Variants in LRRC69 observed in about 807,000 individuals in gnomAD.
LRRC69 encodes leucine-rich repeat-containing protein 69.
In LRRC69, 42 loss-of-function variants were observed where a neutral mutation model predicts 37.8. That is an observed-to-expected ratio of 1.11 (90% confidence interval 0.87 to 1.44). The LOEUF (loss-of-function observed/expected upper bound fraction) is 1.44, where lower values mean the gene tolerates loss of function less well. Among genes scored for constraint, LRRC69 ranks in the 40% most tolerant of loss-of-function variants. The pLI is 0.00. For synonymous variants in LRRC69, 141 were observed against 143.1 expected, an observed-to-expected ratio of 0.99 and a Z score of 0.11; for missense variants, 357 against 401.9, an observed-to-expected ratio of 0.89 and a Z score of 0.96.
chr8:91,186,263 T>C (rs1344564469), intron 5 of LRRC69, among the ~76,000 whole-genome samples: 1 of 152,204 alleles, frequency 6.6e-6, no homozygotes, highest in Non-Finnish European at 1.5e-5. Flanking sequence ...CAAAGCCTGA[T>C]AGATGAAGAT....
intron 6 of LRRC69, among the ~76,000 whole-genome samples, chr8:91,197,455 C>G (rs536932592): frequency 2.0e-5 from 3 of 152,000 alleles, no homozygotes; most frequent in Admixed American, 6.5e-5. Context: ...GCTGCCGCCT[C>G]GCAGTTTGAT....
intron 1 of LRRC69, chr8:91,118,697 A>G: frequency 6.2e-6 from 1 of 161,258 alleles, no homozygotes; most frequent in African/African-American, 2.4e-5. Context: ...ACTTCATTCT[A>G]CATTTAATTA....
At chr8:91,162,227 A>G (rs1484094927) in intron 5 of LRRC69, among the ~76,000 whole-genome samples, 1 of 151,506 alleles carries the variant, frequency 6.6e-6, no homozygotes, top group African/African-American at 2.4e-5. Context: ...TGTATTCTGC[A>G]GCTGTTGGAT....
At chr8:91,108,077 C>T (rs1813350984) in intron 1 of LRRC69, among the ~76,000 whole-genome samples, 1 of 152,040 alleles carries the variant, frequency 6.6e-6, no homozygotes, top group African/African-American at 2.4e-5. Flanking sequence ...AGTCCAACGG[C>T]AGTGTGGCAA....
intron 5 of LRRC69, chr8:91,158,515 TG>T: frequency 8.9e-7 from 1 of 1,125,794 alleles, no homozygotes; most frequent in Non-Finnish European, 1.4e-6. Flanking sequence ...ATGAAGCCAA[TG>T]GGCGATGAAA....
chr8:91,158,510 G>A, intron 5 of LRRC69: 1 of 1,115,872 alleles, frequency 9.0e-7, no homozygotes, highest in East Asian at 2.4e-5. Flanking sequence ...GGGAGATGAA[G>A]CCAATGGGCG....
chr8:91,106,951 C>A (rs1813325012), intron 1 of LRRC69, among the ~76,000 whole-genome samples: 1 of 151,162 alleles, frequency 6.6e-6, no homozygotes, highest in Non-Finnish European at 1.5e-5. Flanking sequence ...TGCCACTACC[C>A]CTGGCTAATT....
At chr8:91,176,134 A>ATATATATATTTTTTTTTTTTTT in intron 5 of LRRC69, among the ~76,000 whole-genome samples, 5 of 75,702 alleles carry the variant, frequency 6.6e-5, no homozygotes, top group African/African-American at 3.0e-4. Flanking sequence ...ATATATATAT[A>ATATATATATTTTTTTTTTTTTT]TTTTTTTTTT....
At chr8:91,102,771 C>T (rs1197252865) in exon 1 of LRRC69, 1 of 1,551,900 alleles carries the variant, frequency 6.4e-7, no homozygotes, top group African/African-American at 1.4e-5. Flanking sequence ...GGAAAACTGC[C>T]TGGCCTGAAG....
chr8:91,136,463 CTA>C (rs1416710178), intron 5 of LRRC69, among the ~76,000 whole-genome samples: 1 of 151,844 alleles, frequency 6.6e-6, no homozygotes, highest in Non-Finnish European at 1.5e-5. Flanking sequence ...AGTGTAAAGT[CTA>C]TGTTTTAGAA....
At chr8:91,120,728 T>C (rs904183297) in intron 1 of LRRC69, among the ~76,000 whole-genome samples, 4 of 152,090 alleles carry the variant, frequency 2.6e-5, no homozygotes, top group African/African-American at 9.7e-5. Flanking sequence ...TGGGATGTGG[T>C]GTACCAGATG....
intron 1 of LRRC69, among the ~76,000 whole-genome samples, chr8:91,116,560 C>G (rs1813514276): frequency 6.6e-6 from 1 of 151,576 alleles, no homozygotes; most frequent in South Asian, 2.1e-4. Context: ...ATATTTGTAT[C>G]ATGTGCATAT....
At chr8:91,172,674 C>T (rs1420679346) in intron 5 of LRRC69, among the ~76,000 whole-genome samples, 3 of 151,906 alleles carry the variant, frequency 2.0e-5, no homozygotes, top group Admixed American at 6.6e-5. Context: ...CACCACCACA[C>T]TCGGCTAATT....
chr8:91,157,811 C>T (rs1808863107), intron 5 of LRRC69: 2 of 1,607,224 alleles, frequency 1.2e-6, no homozygotes, highest in Admixed American at 1.7e-5. Flanking sequence ...GGATTATTCC[C>T]CACAAAGGGA....
At chr8:91,166,368 T>C (rs917776668) in intron 5 of LRRC69, among the ~76,000 whole-genome samples, 1 of 151,282 alleles carries the variant, frequency 6.6e-6, no homozygotes, top group African/African-American at 2.4e-5. Context: ...TGCTAGAAGG[T>C]GGTATTATTG....
chr8:91,180,623 T>A (rs559138187), intron 5 of LRRC69, among the ~76,000 whole-genome samples: 1 of 152,082 alleles, frequency 6.6e-6, no homozygotes, highest in Admixed American at 6.5e-5. Flanking sequence ...CACAGTACAC[T>A]AACAGCACAA....
intron 7 of LRRC69, among the ~76,000 whole-genome samples, chr8:91,209,290 A>G (rs1286918441): frequency 6.6e-6 from 1 of 152,008 alleles, no homozygotes; most frequent in Non-Finnish European, 1.5e-5. Flanking sequence ...TTAGCCAGAC[A>G]TGGTGGTGGG....
At chr8:91,198,972 G>A (rs1809667929) in intron 6 of LRRC69, among the ~76,000 whole-genome samples, 1 of 152,152 alleles carries the variant, frequency 6.6e-6, no homozygotes, top group Non-Finnish European at 1.5e-5. Flanking sequence ...GTTGATGTAA[G>A]AGCTGTCAGA....
chr8:91,148,043 G>C (rs1210192671), intron 5 of LRRC69, among the ~76,000 whole-genome samples: 2 of 148,556 alleles, frequency 1.3e-5, no homozygotes, highest in Admixed American at 6.7e-5. Context: ...ATGATCTCAT[G>C]CCTTTTTATG....
Sources: gnomAD v4.1 joint callset for allele counts (sites outside exome capture counted in the v4.1 genomes callset) on GRCh38, gnomAD v4.1.1 for gene constraint, MANE v1.5 for transcripts, NCBI Gene and HGNC (gene_info 2026-07-23, HGNC 2026-07-21) for gene names.